Variants in CKMT2 observed in about 807,000 individuals in gnomAD.
CKMT2 encodes the protein creatine kinase S-type, mitochondrial.
In CKMT2, 43 loss-of-function variants were observed where a neutral mutation model predicts 48.9. The ratio of observed to expected loss-of-function variants is 0.88; its 90% CI spans 0.69 to 1.13. CKMT2 has a LOEUF of 1.13. Ranked by LOEUF, CKMT2 falls within the 50% of genes most tolerant of loss-of-function variation. The probability of loss-of-function intolerance (pLI) is 0.00; values close to 1 mark genes in which losing one functional copy is unlikely to be tolerated. For synonymous variants in CKMT2, 206 were observed against 213.0 expected, an observed-to-expected ratio of 0.97 and a Z score of 0.29; for missense variants, 472 against 555.4, an observed-to-expected ratio of 0.85 and a Z score of 1.51.
chr5:81,261,252 C>A (rs1028675100), intron 8 of CKMT2, among the ~76,000 whole-genome samples: 1 of 151,536 alleles, frequency 6.6e-6, no homozygotes, highest in Non-Finnish European at 1.5e-5. Flanking sequence ...AAACCCACAG[C>A]CAACAGGCAA....
chr5:81,238,270 C>T (rs949021110), intron 1 of CKMT2: 2 of 151,992 alleles, frequency 1.3e-5, no homozygotes, highest in African/African-American at 4.8e-5. Flanking sequence ...GGAGGCGGAG[C>T]TTGCAGTGAG....
intron 1 of CKMT2, among the ~76,000 whole-genome samples, chr5:81,249,536 C>T (rs1374557331): frequency 6.6e-6 from 1 of 152,178 alleles, no homozygotes; most frequent in Non-Finnish European, 1.5e-5. Context: ...AGTAGCAGAC[C>T]CAACAGGGTT....
intron 1 of CKMT2, among the ~76,000 whole-genome samples, chr5:81,234,394 C>T (rs753863124): frequency 5.9e-5 from 9 of 152,164 alleles, no homozygotes; most frequent in African/African-American, 1.4e-4. Flanking sequence ...TTCCTGTCTA[C>T]GGCTCTCACA....
intron 4 of CKMT2, 49 bp downstream of exon 4, chr5:81,254,540 C>A: frequency 1.3e-6 from 2 of 1,540,288 alleles, no homozygotes; most frequent in Non-Finnish European, 1.8e-6. Flanking sequence ...CACTCCTGAG[C>A]CCAAGGGGAA....
At chr5:81,243,776 G>A (rs552293678) in intron 1 of CKMT2, among the ~76,000 whole-genome samples, 6 of 151,572 alleles carry the variant, frequency 4.0e-5, no homozygotes, top group East Asian at 2.0e-4. Context: ...TGCAACCTCC[G>A]CCTCCTGGGT....
intron 1 of CKMT2, among the ~76,000 whole-genome samples, chr5:81,235,163 G>C (rs2112774447): frequency 6.6e-6 from 1 of 152,304 alleles, no homozygotes; most frequent in Admixed American, 6.5e-5. Flanking sequence ...AGGAGGCCTA[G>C]GAAAGGCCTC....
intron 6 of CKMT2, 38 bp downstream of exon 6, chr5:81,257,038 G>A (rs1329540072): frequency 6.4e-7 from 1 of 1,563,316 alleles, no homozygotes; most frequent in African/African-American, 1.4e-5. Context: ...AATATCTGTA[G>A]AGGATGTTTT....
At chr5:81,250,978 C>CACACACACACACACACACACAG (rs1554045825) in intron 1 of CKMT2, 135 bp from the exon 2 acceptor site, 1 of 645,728 alleles carries the variant, frequency 1.5e-6, no homozygotes, top group African/African-American at 1.9e-5. Context: ...CACACACACA[C>CACACACACACACACACACACAG]AGAAAGAGAG....
chr5:81,252,422 T>G, intron 2 of CKMT2: 2 of 472,388 alleles, frequency 4.2e-6, no homozygotes. Flanking sequence ...CAGCACCCAA[T>G]TTGATTTCTA....
intron 1 of CKMT2, among the ~76,000 whole-genome samples, chr5:81,247,292 T>C (rs1756644805): frequency 6.6e-6 from 1 of 152,244 alleles, no homozygotes; most frequent in African/African-American, 2.4e-5. Context: ...TCACAAGATA[T>C]ACTGACTTAT....
chr5:81,254,529 G>T (rs772571263), intron 4 of CKMT2, 38 bp downstream of exon 4: 1 of 1,575,860 alleles, frequency 6.3e-7, no homozygotes, highest in Non-Finnish European at 8.7e-7. Context: ...CACGAAGCTG[G>T]CACTCCTGAG....
chr5:81,257,715 T>C lies in CKMT2; in HGVS notation c.756-18T>C, dbSNP rs780058659. 1.2e-6 allele frequency: 2 copies of C among 1,606,924 alleles called. No individual in the cohort carries two copies. Among genetic ancestry groups the C allele is most frequent in the Admixed American group, 3.4e-5 (2 of 58,798 alleles). The stretch of plus-strand genomic sequence containing the variant: ...CAAATGCAATTAACACTCAGTACCA[T>C]ATTTCTCTCTTCATTAGGCATAATT... On this transcript the variant is annotated intron_variant, in intron 6 of 9. Coordinates refer to ENST00000254035, the MANE Select transcript of CKMT2 (RefSeq NM_001099735.2).
intron 7 of CKMT2, 67 bp downstream of exon 7, chr5:81,257,923 A>C: frequency 6.8e-7 from 1 of 1,479,136 alleles, no homozygotes; most frequent in East Asian, 2.4e-5. Context: ...TGTTCTTGAA[A>C]GAAGACACTA....
intron 1 of CKMT2, among the ~76,000 whole-genome samples, chr5:81,245,786 C>T (rs1354736755): frequency 6.6e-6 from 1 of 152,122 alleles, no homozygotes; most frequent in Non-Finnish European, 1.5e-5. Flanking sequence ...AGAGTCCCAG[C>T]AGCTGTGGTG....
At chr5:81,244,518 C>G in intron 1 of CKMT2, among the ~76,000 whole-genome samples, 1 of 152,176 alleles carries the variant, frequency 6.6e-6, no homozygotes, top group East Asian at 1.9e-4. Flanking sequence ...ACATATGCTA[C>G]AGTTACACGA....
intron 1 of CKMT2, among the ~76,000 whole-genome samples, chr5:81,243,628 G>C (rs890750465): frequency 2.6e-5 from 4 of 152,010 alleles, no homozygotes; most frequent in African/African-American, 9.7e-5. Context: ...TGATGTTCTG[G>C]GCCCCCATAA....
intron 1 of CKMT2, chr5:81,242,633 C>G (rs767582749): frequency 1.0e-5 from 3 of 296,306 alleles, no homozygotes; most frequent in Non-Finnish European, 2.0e-5. Flanking sequence ...CAAACATTGA[C>G]GCTGAGATTT....
chr5:81,243,721 C>T (rs1033110162), intron 1 of CKMT2, among the ~76,000 whole-genome samples: 1 of 151,710 alleles, frequency 6.6e-6, no homozygotes, highest in African/African-American at 2.4e-5. Flanking sequence ...AGTCAAGTCT[C>T]TATCACCCAG....
At position 81,266,153 on chromosome 5, in the gene CKMT2, G is replaced by T. The variant is rs1276174594; in HGVS notation, c.1155G>T (p.Gln385His). Residue 385 changes from glutamine to histidine, a missense_variant, in exon 10 of 10, where the codon CAG becomes CAT. Transcript: ENST00000254035. Reference protein sequence around the residue: ...RIGRSEVELVQIVIDGVNYLV... With the variant: ...RIGRSEVELVHIVIDGVNYLV... Reference sequence around the variant, plus strand: ...CACTGTCAAAGGTTGAGCTTGTTCAGATAGTCATCGATGGAGTCAATTACC... The same window carrying T: ...CACTGTCAAAGGTTGAGCTTGTTCATATAGTCATCGATGGAGTCAATTACC... The T allele has an allele frequency of 3.1e-6, 5 of 1,612,560 alleles. No individual in the cohort carries two copies. The highest frequency in any genetic ancestry group is 4.2e-6 in the Non-Finnish European group (5 of 1,178,804).
Sources: gnomAD v4.1 joint callset for allele counts (sites outside exome capture counted in the v4.1 genomes callset) on GRCh38, gnomAD v4.1.1 for gene constraint, MANE v1.5 for transcripts, NCBI Gene and HGNC (gene_info 2026-07-23, HGNC 2026-07-21) for gene names.